The following ANAPC5 variants were observed in gnomAD, a reference collection of about 807,000 sequenced individuals.
ANAPC5 encodes the protein anaphase-promoting complex subunit 5.
ANAPC5 carries 60 observed loss-of-function variants against 91.3 expected under a neutral mutation model. The observed-to-expected ratio is 0.66, with a 90% CI of 0.53 to 0.81. ANAPC5 has a LOEUF of 0.81. Ranked by LOEUF, ANAPC5 falls within the 40% of genes least tolerant of loss-of-function variation. The pLI, the probability that ANAPC5 is intolerant of heterozygous loss-of-function variation, is 0.00. For missense variants in ANAPC5, 690 were observed against 931.5 expected (o/e 0.74, Z 3.37); for synonymous variants, 340 against 364.1 (o/e 0.93, Z 0.75).
In ANAPC5 at chr12:121,308,295, C is replaced by A; in HGVS notation, c.*185G>T. ...AGAAAAAGTTGGTGTCCTTTGCTAC[C>A]AAAAGGGAAGAAAAGGGGAATAAAA... On this transcript the variant is annotated 3_prime_UTR_variant, in exon 17 of 17. Transcript: ENST00000261819. The A allele has an allele frequency of 1.7e-6, 1 of 578,610 alleles. No individual in the cohort carries two copies. The highest frequency in any genetic ancestry group is 3.0e-6 in the Non-Finnish European group (1 of 329,484). The allele number at this position is 578,610 out of a possible 1,614,324, so 35.8% of individuals were successfully genotyped here. A position where few individuals can be genotyped will look rare whatever the true frequency, so the allele number is the denominator to read the frequency against.
chr12:121,327,008 G>C, intron 11 of ANAPC5, 88 bp downstream of exon 11: 1 of 1,469,412 alleles, frequency 6.8e-7, no homozygotes, highest in Non-Finnish European at 9.0e-7. Flanking sequence ...TGTCCAACAC[G>C]TGTCCAGTGC....
At chr12:121,326,953 C>T (rs1555272316) in intron 11 of ANAPC5, 143 bp downstream of exon 11, 1 of 1,166,552 alleles carries the variant, frequency 8.6e-7, no homozygotes, top group African/African-American at 1.6e-5. Context: ...TGGTCCCCTT[C>T]CACTGGTGGG....
intron 15 of ANAPC5, among the ~76,000 whole-genome samples, chr12:121,316,783 G>A (rs1215436560): frequency 6.8e-6 from 1 of 146,264 alleles, no homozygotes; most frequent in Non-Finnish European, 1.5e-5. Context: ...AACAAAAGCT[G>A]TACAGAAATG....
chr12:121,313,510 G>T (rs1902248685), intron 15 of ANAPC5, among the ~76,000 whole-genome samples: 1 of 152,150 alleles, frequency 6.6e-6, no homozygotes, highest in Non-Finnish European at 1.5e-5. Flanking sequence ...TAAACTGTTA[G>T]ACTGACCAAG....
intron 5 of ANAPC5, among the ~76,000 whole-genome samples, chr12:121,340,803 G>A (rs1269989544): frequency 5.3e-5 from 8 of 151,362 alleles, no homozygotes; most frequent in Admixed American, 2.6e-4. Flanking sequence ...CTTGTGATCC[G>A]CCTGCCTCAG....
At chr12:121,336,668 G>GA (rs1370246584) in intron 6 of ANAPC5, among the ~76,000 whole-genome samples, 2 of 152,140 alleles carry the variant, frequency 1.3e-5, no homozygotes, top group African/African-American at 2.4e-5. Context: ...CAACAAGAGC[G>GA]AAACTCAGTC....
rs956990916 is a variant in ANAPC5 at position 121,318,214 on chromosome 12, G to T, written c.1893+63C>A. On this transcript the variant is annotated intron_variant, in intron 15 of 16. Coordinates refer to ENST00000261819, the MANE Select transcript of ANAPC5 (RefSeq NM_016237.5). ...ATTATTATCCTTTCAATACTCAAAC[G>T]TAGTCACAGACTCACCAGCTCTTGA... 4 of 1,432,116 alleles carry T rather than the reference G, an allele frequency of 2.8e-6. No individual in the cohort carries two copies. The South Asian group carries it at 6.6e-5, about 24-fold the overall frequency. 88.7% of individuals were successfully genotyped at this position (1,432,116 alleles called of 1,614,324 possible).
intron 1 of ANAPC5, among the ~76,000 whole-genome samples, chr12:121,349,437 G>A (rs1555275061): frequency 2.0e-5 from 3 of 152,016 alleles, no homozygotes; most frequent in Non-Finnish European, 2.9e-5. Flanking sequence ...GCAGGTGCCT[G>A]TAGTCCTAGC....
At position 121,344,626 on chromosome 12, in the gene ANAPC5, C is replaced by T. The variant is rs73405781; in HGVS notation, c.590+1213G>A. Among the ~76,000 whole-genome samples the T allele has an allele frequency of 5.8e-3, 880 of 151,134 alleles. 11 individuals are homozygous for T. Among genetic ancestry groups the T allele is most frequent in the African/African-American group, 0.019 (800 of 41,192 alleles). On this transcript the variant is annotated intron_variant, in intron 4 of 16. Transcript: ENST00000261819. ...AGAAAAAGAAAGTATTTGGGATAGG[C>T]GCTACCTCGTGGTCAGGGAGGCCCG... is the stretch of plus-strand genomic sequence containing the variant.
Position 121,335,394 on chromosome 12 carries a change from G to C in ANAPC5, c.950+139C>G. Reference sequence around the variant, plus strand: ...TTGGCCAGGCTGGTCTTGAACTCCTGACCTCACGTGATCCACCCGCCTTGG... The same window carrying C: ...TTGGCCAGGCTGGTCTTGAACTCCTCACCTCACGTGATCCACCCGCCTTGG... On this transcript the variant is annotated intron_variant, in intron 7 of 16. Coordinates refer to ENST00000261819, the MANE Select transcript of ANAPC5 (RefSeq NM_016237.5). 9.2e-6 allele frequency: 8 copies of C among 871,996 alleles called. 1 individual carries two copies. In the South Asian group the frequency reaches 1.7e-4, roughly 19 times the overall value. The allele number at this position is 871,996 out of a possible 1,614,324, so 54.0% of individuals were successfully genotyped here. A position where few individuals can be genotyped will look rare whatever the true frequency, so the allele number is the denominator to read the frequency against.
Position 121,352,239 on chromosome 12 carries a change from C to T in ANAPC5, c.102G>A (p.Lys34=), listed in dbSNP as rs548515492. The T allele has an allele frequency of 1.2e-6, 2 of 1,614,202 alleles. No individual in the cohort carries two copies. The highest frequency in any genetic ancestry group is 2.2e-5 in the East Asian group (1 of 44,878). The part of the protein sequence containing the change: ...FGIKDWVTPY[K]IAVLVLLNEM... ...CGTTCAGCAGCACCAGCACCGCGAT[C>T]TTGTACGGCGTCACCCAGTCCTTGA... Residue 34 remains lysine, a synonymous_variant, in exon 1 of 17, where the codon AAG becomes AAA. Transcript: ENST00000261819.
chr12:121,328,665 G>T, intron 9 of ANAPC5, 168 bp from the exon 10 acceptor site: 1 of 597,012 alleles, frequency 1.7e-6, no homozygotes, highest in Non-Finnish European at 2.9e-6. Flanking sequence ...TACGAGATGT[G>T]TTCCTGAAAA....
At chr12:121,331,508 A>G in intron 7 of ANAPC5, 80 bp from the exon 8 acceptor site, 1 of 1,190,306 alleles carries the variant, frequency 8.4e-7, no homozygotes, top group Non-Finnish European at 1.2e-6. Flanking sequence ...TCATCTGTAC[A>G]CAGTCATCCA....
chr12:121,316,418 C>T (rs1224381728), intron 15 of ANAPC5, among the ~76,000 whole-genome samples: 2 of 152,082 alleles, frequency 1.3e-5, no homozygotes, highest in Admixed American at 6.6e-5. Flanking sequence ...TCAGCAATTC[C>T]GTTCGTAGGC....
At chr12:121,351,075 G>T (rs1903871945) in intron 1 of ANAPC5, 2 of 447,942 alleles carry the variant, frequency 4.5e-6, no homozygotes, top group Non-Finnish European at 4.5e-6. Flanking sequence ...TCTGCAAAAT[G>T]AAATAACACA....
chr12:121,344,942 C>T (rs1903606767), intron 4 of ANAPC5, among the ~76,000 whole-genome samples: 1 of 152,192 alleles, frequency 6.6e-6, no homozygotes, highest in Non-Finnish European at 1.5e-5. Context: ...GATTAATATT[C>T]TTAGGGGCTT....
At chr12:121,328,103 T>C (rs1902892604) in intron 10 of ANAPC5, 1 of 481,370 alleles carries the variant, frequency 2.1e-6, no homozygotes, top group Admixed American at 3.4e-5. Flanking sequence ...CCTCACAAAG[T>C]GGTTGGGAGG....
chr12:121,326,700 A>G (rs1902832210), intron 11 of ANAPC5: 1 of 160,844 alleles, frequency 6.2e-6, no homozygotes, highest in Non-Finnish European at 1.4e-5. Flanking sequence ...ATGAGACAGT[A>G]CCCATAAAAT....
At chr12:121,328,582 C>T in intron 9 of ANAPC5, 85 bp from the exon 10 acceptor site, 2 of 1,240,794 alleles carry the variant, frequency 1.6e-6, no homozygotes, top group Non-Finnish European at 2.3e-6. Context: ...GTGGATTTCA[C>T]ATTTCAGCAC....
Sources: allele counts gnomAD v4.1 joint callset (sites outside exome capture counted in the v4.1 genomes callset), GRCh38; gene constraint gnomAD v4.1.1; transcripts MANE v1.5; gene names NCBI Gene and HGNC (gene_info 2026-07-23, HGNC 2026-07-21).